The following CD7 variants were observed in gnomAD, a reference collection of about 807,000 sequenced individuals.
The protein encoded by CD7 is CD7 molecule.
CD7 carries 19 observed loss-of-function variants against 17.6 expected under a neutral mutation model. That is an observed-to-expected ratio of 1.08 (90% CI 0.75 to 1.58). The LOEUF is 1.58. Ranked by LOEUF, CD7 falls within the 40% of genes most tolerant of loss-of-function variation. The pLI is 0.00. For synonymous variants in CD7, 160 were observed against 159.8 expected, an observed-to-expected ratio of 1.00 and a Z score of -0.01; for missense variants, 291 against 327.1, an observed-to-expected ratio of 0.89 and a Z score of 0.85.
rs2052016028 is a variant in CD7 at position 82,316,381 on chromosome 17, G to A, written c.426C>T (p.Cys142=). ...CAGAGGCCCTTGGTGGGGCGTCCGA[G>A]CATCTGTGCCATCCTTGGGACTGTT... ...TEEQSQGWHR[C]SDAPPRASAL... is the part of the protein sequence containing the mutation. Residue 142 remains cysteine (C), a synonymous_variant, in exon 3 of 4, where the codon TGC becomes TGT. Coordinates refer to ENST00000312648, the MANE Select transcript of CD7 (RefSeq NM_006137.7). 6.3e-7 allele frequency: 1 copy of A among 1,592,262 alleles called. No homozygotes were observed. Among genetic ancestry groups the A allele is most frequent in the African/African-American group, 1.3e-5 (1 of 74,428 alleles).
At position 82,315,196 on chromosome 17, in the gene CD7, G is replaced by T. The variant is rs1234395348; in HGVS notation, c.*125C>A. 7.5e-6 allele frequency: 5 copies of T among 667,566 alleles called. No homozygotes were observed. Among genetic ancestry groups the T allele is most frequent in the Non-Finnish European group, 1.3e-5 (5 of 376,562 alleles). 41.4% of individuals were successfully genotyped at this position (667,566 alleles called of 1,614,324 possible). A position where few individuals can be genotyped will look rare whatever the true frequency, so the allele number is the denominator to read the frequency against. ...TCTGCTTGGAGCTGGGCACGGCTGGGCCCTTCAAACTCTGCTGCAGCCGTG... is the reference window on the plus strand; with the variant it reads ...TCTGCTTGGAGCTGGGCACGGCTGGTCCCTTCAAACTCTGCTGCAGCCGTG... On this transcript the variant is annotated 3_prime_UTR_variant, in exon 4 of 4. Coordinates refer to ENST00000312648, the MANE Select transcript of CD7 (RefSeq NM_006137.7).
Position 82,316,741 on chromosome 17 carries a change from T to C in CD7, c.323A>G (p.Asp108Gly), listed in dbSNP as rs1331763584. 3 of 1,613,718 alleles carry C rather than the reference T, an allele frequency of 1.9e-6. No individual in the cohort carries two copies. Among genetic ancestry groups the C allele is most frequent in the South Asian group, 1.1e-5 (1 of 91,086 alleles). ...TITMHRLQLS[D>G]TGTYTCQAIT... ...GGCCTGGCAGGTGTAGGTGCCAGTG[T>C]CCGACAGCTGCAGGCGGTGCATGGT... Residue 108 changes from aspartate to glycine, a missense_variant, in exon 2 of 4, where the codon GAC becomes GGC. Coordinates refer to ENST00000312648, the MANE Select transcript of CD7 (RefSeq NM_006137.7).
rs1235582473 is a variant in CD7 at position 82,316,355 on chromosome 17, G to A, written c.452C>T (p.Ala151Val). The change falls in exon 3 of 4, where the codon GCC becomes GTC. Residue 151 changes from alanine (A) to valine (V), a missense_variant. Physicochemically the swap from Ala to Val is moderately conservative, Grantham distance 64 (BLOSUM62 0). Transcript: ENST00000312648. ...RCSDAPPRAS[A>V]LPAPPTGSAL... ...GGAGCCTGTCGGTGGGGCAGGGAGGGCAGAGGCCCTTGGTGGGGCGTCCGA... is the reference window on the plus strand; with the variant it reads ...GGAGCCTGTCGGTGGGGCAGGGAGGACAGAGGCCCTTGGTGGGGCGTCCGA... The A allele has an allele frequency of 6.3e-7, 1 of 1,594,764 alleles. No homozygotes were observed. The highest frequency in any genetic ancestry group is 8.5e-7 in the Non-Finnish European group (1 of 1,170,788).
chr17:82,315,962 C>T (rs868494821), intron 3 of CD7: 181 of 640,404 alleles, frequency 2.8e-4, no homozygotes, highest in Middle Eastern at 2.4e-3. Context: ...CCTGCACACG[C>T]GCACACGCGC....
At position 82,317,560 on chromosome 17, in the gene CD7, C is replaced by T; in HGVS notation, c.-65G>A. ...TGAGCCTCTCTGGGTCTACAGGACC[C>T]CACAGAGAGCAGCACACAGGAGACC... On this transcript the variant is annotated 5_prime_UTR_variant, in exon 1 of 4. Transcript: ENST00000312648. 1 of 1,421,036 alleles carries T rather than the reference C, an allele frequency of 7.0e-7. No individual in the cohort carries two copies. The highest frequency in any genetic ancestry group is 9.5e-7 in the Non-Finnish European group (1 of 1,051,358). The allele number at this position is 1,421,036 out of a possible 1,614,324, so 88.0% of individuals were successfully genotyped here.
chr17:82,315,239 G>C lies in CD7; in HGVS notation c.*82C>G. The stretch of plus-strand genomic sequence containing the variant: ...CAGCCGTGGGAGGACAGCAGGGTGA[G>C]GGGTGTGGCAGGGTGGGGGGCATGG... On this transcript the variant is annotated 3_prime_UTR_variant, in exon 4 of 4. Coordinates refer to ENST00000312648, the MANE Select transcript of CD7 (RefSeq NM_006137.7). 13 of 890,184 alleles carry C rather than the reference G, an allele frequency of 1.5e-5. No individual in the cohort carries two copies. The highest frequency in any genetic ancestry group is 2.4e-5 in the Non-Finnish European group (13 of 552,692). 55.1% of individuals were successfully genotyped at this position (890,184 alleles called of 1,614,324 possible). A position where few individuals can be genotyped will look rare whatever the true frequency, so the allele number is the denominator to read the frequency against.
rs1315986495 is a variant in CD7 at position 82,316,469 on chromosome 17, G to A, written c.398-60C>T. 6 of 1,456,504 alleles carry A rather than the reference G, an allele frequency of 4.1e-6. 1 individual carries two copies. In the South Asian group the frequency reaches 6.3e-5, roughly 15 times the overall value. 90.2% of individuals were successfully genotyped at this position (1,456,504 alleles called of 1,614,324 possible). A position where few individuals can be genotyped will look rare whatever the true frequency, so the allele number is the denominator to read the frequency against. ...GTGGAGAACCTGTTAGAGCCCCCGG[G>A]GTTTGGGATTCGGGGCAGGGAAAGG... On this transcript the variant is annotated intron_variant, in intron 2 of 3. Coordinates refer to ENST00000312648, the MANE Select transcript of CD7 (RefSeq NM_006137.7).
rs369201530 is a variant in CD7 at position 82,316,343 on chromosome 17, G to A, written c.464C>T (p.Pro155Leu). Reference protein sequence around the residue: ...APPRASALPAPPTGSALPDPQ... With the variant: ...APPRASALPALPTGSALPDPQ... Reference sequence around the variant, plus strand: ...GTCAGGGAGGGCGGAGCCTGTCGGTGGGGCAGGGAGGGCAGAGGCCCTTGG... The same window carrying A: ...GTCAGGGAGGGCGGAGCCTGTCGGTAGGGCAGGGAGGGCAGAGGCCCTTGG... The change falls in exon 3 of 4, where the codon CCA becomes CTA. Residue 155 changes from proline to leucine, a missense_variant. Physicochemically the swap from Pro to Leu is moderately conservative, Grantham distance 98. Transcript: ENST00000312648. 2.5e-5 allele frequency: 40 copies of A among 1,591,152 alleles called. No individual in the cohort carries two copies. The African/African-American group carries it at 4.4e-4, about 18-fold the overall frequency.
intron 3 of CD7, chr17:82,315,687 C>T (rs976280618): frequency 2.7e-5 from 15 of 548,902 alleles, no homozygotes; most frequent in East Asian, 2.2e-4. Flanking sequence ...AGCGGGACCC[C>T]CACTCCAGCC....
Position 82,317,466 on chromosome 17 carries a change from C to G in CD7, c.30G>C (p.Leu10=), listed in dbSNP as rs1360469348. Residue 10 remains leucine, a synonymous_variant, in exon 1 of 4, where the codon CTG becomes CTC. Coordinates refer to ENST00000312648, the MANE Select transcript of CD7 (RefSeq NM_006137.7). MAGPPRLLL[L]PLLLALARGL... ...CGCGAGCCAGCGCCAGAAGCAGGGG[C>G]AGCAGCAGGAGCCTCGGAGGCCCGG... is the stretch of plus-strand genomic sequence containing the variant. 6.4e-7 allele frequency: 1 copy of G among 1,574,742 alleles called. No individual in the cohort carries two copies. Among genetic ancestry groups the G allele is most frequent in the Admixed American group, 1.8e-5 (1 of 55,546 alleles).
chr17:82,316,189 A>C lies in CD7; in HGVS notation c.612+6T>G. 1 of 1,554,568 alleles carries C rather than the reference A, an allele frequency of 6.4e-7. No individual in the cohort carries two copies. The highest frequency in any genetic ancestry group is 1.4e-5 in the African/African-American group (1 of 73,392). ...GGTGCAGGTGGCAGCTGGGGCTCAC[A>C]CTGACCTGTGTCCTCGCCAGCACAC... On this transcript the variant is annotated splice_donor_region_variant and intron_variant, in intron 3 of 3. Transcript: ENST00000312648.
chr17:82,317,295 C>G, intron 1 of CD7, 119 bp downstream of exon 1: 3 of 1,003,102 alleles, frequency 3.0e-6, no homozygotes, highest in Non-Finnish European at 4.5e-6. Context: ...ACACTGGAGG[C>G]CGCTCAGCAC....
intron 3 of CD7, chr17:82,315,760 C>T (rs759730474): frequency 4.1e-5 from 23 of 554,330 alleles, no homozygotes; most frequent in Non-Finnish European, 6.2e-5. Context: ...GTCTGAGGCC[C>T]CCTCCCCTTC....
rs771520893 is a variant in CD7 at position 82,315,334 on chromosome 17, T to C, written c.710A>G (p.Asn237Ser). Reference sequence around the variant, plus strand: ...GGGCCCACTGGGTCACTGGTACTGGTTGGGGGAGGACAGCGTGTTGCAGCG... The same window carrying C: ...GGGCCCACTGGGTCACTGGTACTGGCTGGGGGAGGACAGCGTGTTGCAGCG... ...HSRCNTLSSP[N>S]QYQ The change falls in exon 4 of 4, where the codon AAC becomes AGC. Residue 237 changes from asparagine (N) to serine (S), a missense_variant. By Grantham distance (46) the Asn-to-Ser change is conservative. Coordinates refer to ENST00000312648, the MANE Select transcript of CD7 (RefSeq NM_006137.7). 83 of 1,602,884 alleles carry C rather than the reference T, an allele frequency of 5.2e-5. No individual in the cohort carries two copies. The highest frequency in any genetic ancestry group is 7.0e-5 in the Non-Finnish European group (82 of 1,171,094).
intron 2 of CD7, 111 bp downstream of exon 2, chr17:82,316,556 G>T: frequency 7.5e-7 from 1 of 1,338,314 alleles, no homozygotes; most frequent in Non-Finnish European, 1.0e-6. Flanking sequence ...CTGGGAGCTG[G>T]AACAGTTCAG....
chr17:82,315,223 G>C lies in CD7; in HGVS notation c.*98C>G. 1 of 782,690 alleles carries C rather than the reference G, an allele frequency of 1.3e-6. No homozygotes were observed. The highest frequency in any genetic ancestry group is 2.1e-6 in the Non-Finnish European group (1 of 468,708). 48.5% of individuals were successfully genotyped at this position (782,690 alleles called of 1,614,324 possible). A position where few individuals can be genotyped will look rare whatever the true frequency, so the allele number is the denominator to read the frequency against. Reference sequence around the variant, plus strand: ...CCTTCAAACTCTGCTGCAGCCGTGGGAGGACAGCAGGGTGAGGGGTGTGGC... The same window carrying C: ...CCTTCAAACTCTGCTGCAGCCGTGGCAGGACAGCAGGGTGAGGGGTGTGGC... On this transcript the variant is annotated 3_prime_UTR_variant, in exon 4 of 4. Coordinates refer to ENST00000312648, the MANE Select transcript of CD7 (RefSeq NM_006137.7).
rs182753321 is a variant in CD7 at position 82,316,342 on chromosome 17, T to C, written c.465A>G (p.Pro155=). The change falls in exon 3 of 4, where the codon CCA becomes CCG. Residue 155 remains proline (P), a synonymous_variant. Transcript: ENST00000312648. ...GGTCAGGGAGGGCGGAGCCTGTCGGTGGGGCAGGGAGGGCAGAGGCCCTTG... is the reference window on the plus strand; with the variant it reads ...GGTCAGGGAGGGCGGAGCCTGTCGGCGGGGCAGGGAGGGCAGAGGCCCTTG... The part of the protein sequence containing the change: ...APPRASALPA[P]PTGSALPDPQ... The C allele has an allele frequency of 6.3e-7, 1 of 1,588,816 alleles. No individual in the cohort carries two copies. The highest frequency in any genetic ancestry group is 8.6e-7 in the Non-Finnish European group (1 of 1,167,348).
At chr17:82,316,440 C>T (rs887760860) in intron 2 of CD7, 31 bp from the exon 3 acceptor site, 3 of 1,524,046 alleles carry the variant, frequency 2.0e-6, no homozygotes, top group South Asian at 1.2e-5. Context: ...AAGGGATTCT[C>T]CCGGTGGAGA....
At position 82,316,315 on chromosome 17, in the gene CD7, C is replaced by T. The variant is rs778567996; in HGVS notation, c.492G>A (p.Pro164=). Residue 164 remains proline (P), a synonymous_variant, in exon 3 of 4, where the codon CCG becomes CCA. Transcript: ENST00000312648. ...GGTCAGGGAGGGCAGAGGCTGTCTG[C>T]GGGTCAGGGAGGGCGGAGCCTGTCG... ...APPTGSALPD[P]QTASALPDPP... 28 of 1,572,740 alleles carry T rather than the reference C, an allele frequency of 1.8e-5. No homozygotes were observed. The highest frequency in any genetic ancestry group is 4.1e-5 in the African/African-American group (3 of 74,026).
Sources: gnomAD v4.1 joint callset for allele counts on GRCh38, gnomAD v4.1.1 for gene constraint, MANE v1.5 for transcripts, NCBI Gene and HGNC (gene_info 2026-07-23, HGNC 2026-07-21) for gene names.